Variants in TBC1D1 observed in about 807,000 individuals in gnomAD.
The protein encoded by TBC1D1 is TBC1 (tre-2/USP6, BUB2, cdc16) domain family, member 1.
TBC1D1 carries 89 observed loss-of-function variants against 125.6 expected under a neutral mutation model. That is an observed-to-expected ratio of 0.71 (90% CI 0.60 to 0.85). The LOEUF (loss-of-function observed/expected upper bound fraction) is 0.85, where lower values mean the gene tolerates loss of function less well. TBC1D1 is among the 40% of genes least tolerant of loss of function. The pLI is 0.00. For missense variants in TBC1D1, 1,377 were observed against 1,469.2 expected (o/e 0.94, Z 1.03); for synonymous variants, 565 against 564.1 (o/e 1.00, Z -0.02).
intron 13 of TBC1D1, among the ~76,000 whole-genome samples, chr4:38,091,375 C>T (rs1758399967): frequency 6.6e-6 from 1 of 152,164 alleles, no homozygotes; most frequent in Non-Finnish European, 1.5e-5. Flanking sequence ...GTGCTGTTTT[C>T]TTCCAACCCA....
At chr4:38,123,480 G>A (rs1764172754) in intron 17 of TBC1D1, among the ~76,000 whole-genome samples, 1 of 152,188 alleles carries the variant, frequency 6.6e-6, no homozygotes, top group African/African-American at 2.4e-5. Context: ...TATTTCAGAG[G>A]AATATTCTTC....
chr4:38,000,998 A>G (rs1230750890), intron 2 of TBC1D1, among the ~76,000 whole-genome samples: 1 of 152,180 alleles, frequency 6.6e-6, no homozygotes, highest in Non-Finnish European at 1.5e-5. Context: ...AGGCGAGCGG[A>G]TCACCAGGTC....
At chr4:37,976,573 G>C (rs1331282349) in intron 2 of TBC1D1, among the ~76,000 whole-genome samples, 1 of 152,170 alleles carries the variant, frequency 6.6e-6, no homozygotes, top group Non-Finnish European at 1.5e-5. Context: ...GGGCTGGGTT[G>C]GCCATTTGGC....
intron 2 of TBC1D1, among the ~76,000 whole-genome samples, chr4:37,916,773 G>GTTTTT (rs1719823117): frequency 6.6e-6 from 1 of 152,012 alleles, no homozygotes; most frequent in African/African-American, 2.4e-5. Flanking sequence ...GTTTTGTTTT[G>GTTTTT]TTTTGTTTAG....
At chr4:38,050,010 C>A in intron 11 of TBC1D1, 112 bp downstream of exon 11, 1 of 1,268,948 alleles carries the variant, frequency 7.9e-7, no homozygotes, top group Non-Finnish European at 1.1e-6. Context: ...AGGCTTTACT[C>A]TTGGTTTGGA....
intron 12 of TBC1D1, among the ~76,000 whole-genome samples, chr4:38,068,396 T>C (rs188410586): frequency 6.2e-4 from 95 of 152,240 alleles, no homozygotes; most frequent in African/African-American, 1.8e-3. Context: ...ACACTCCTGC[T>C]CGTTTTCTCC....
rs563946587 is a variant in TBC1D1 at position 38,050,616 on chromosome 4, A to G, written c.1910+718A>G. On this transcript the variant is annotated intron_variant, in intron 11 of 19. Transcript: ENST00000261439. ...TATAAATGGACACAGTTATCTTTAAAAACAACTTTAAACAATTTTAAAAAT... is the reference window on the plus strand; with the variant it reads ...TATAAATGGACACAGTTATCTTTAAGAACAACTTTAAACAATTTTAAAAAT... Among the ~76,000 whole-genome samples the G allele has an allele frequency of 7.9e-5, 12 of 152,342 alleles. No individual in the cohort carries two copies. In the East Asian group the frequency reaches 2.3e-3, roughly 29 times the overall value.
chr4:37,920,881 C>T (rs1720802834), intron 2 of TBC1D1, among the ~76,000 whole-genome samples: 1 of 152,042 alleles, frequency 6.6e-6, no homozygotes, highest in African/African-American at 2.4e-5. Flanking sequence ...GAGGCCGAGG[C>T]GGGCCGATCA....
intron 17 of TBC1D1, among the ~76,000 whole-genome samples, chr4:38,124,420 GA>G (rs1764324990): frequency 6.6e-6 from 1 of 152,182 alleles, no homozygotes; most frequent in Admixed American, 6.5e-5. Context: ...TCCTCAGAGG[GA>G]AAAATGTTCT....
chr4:37,948,896 T>C (rs554298749), intron 2 of TBC1D1, among the ~76,000 whole-genome samples: 21 of 152,192 alleles, frequency 1.4e-4, no homozygotes, highest in Non-Finnish European at 2.5e-4. Flanking sequence ...GCCTGACATC[T>C]TTCACTTAGT....
rs1459487955 is a variant in TBC1D1, at chr4:38,103,123, G to A, written c.2523G>A (p.Leu841=). 2 of 1,613,786 alleles carry A rather than the reference G, an allele frequency of 1.2e-6. No homozygotes were observed. Among genetic ancestry groups the A allele is most frequent in the Admixed American group, 3.3e-5 (2 of 59,966 alleles). ...CATACAAAGAACTCTTAAAGCAGCT[G>A]ACTTCCCAGCAGCATGCGATTCTTA... The change falls in exon 15 of 20, where the codon CTG becomes CTA. Residue 841 remains leucine, a synonymous_variant. Transcript: ENST00000261439.
At chr4:38,053,597 T>C (rs1004049552) in intron 11 of TBC1D1, among the ~76,000 whole-genome samples, 1 of 152,226 alleles carries the variant, frequency 6.6e-6, no homozygotes, top group Admixed American at 6.5e-5. Context: ...GGGTATAAAT[T>C]GGAAGGGCCT....
intron 2 of TBC1D1, among the ~76,000 whole-genome samples, chr4:37,928,802 C>T (rs979071637): frequency 5.9e-5 from 9 of 152,196 alleles, no homozygotes; most frequent in Non-Finnish European, 1.0e-4. Context: ...ATTGCAGAAA[C>T]GGATGCCGTT....
At chr4:37,902,556 G>A (rs1716310832) in intron 2 of TBC1D1, 44 bp downstream of exon 2, 1 of 1,473,232 alleles carries the variant, frequency 6.8e-7, no homozygotes, top group Non-Finnish European at 9.2e-7. Flanking sequence ...TGGCTGGCTG[G>A]TTTTTATTGT....
At chr4:38,077,234 C>T (rs1755752704) in intron 12 of TBC1D1, among the ~76,000 whole-genome samples, 1 of 152,110 alleles carries the variant, frequency 6.6e-6, no homozygotes, top group African/African-American at 2.4e-5. Flanking sequence ...AAGCATTGTT[C>T]TAGGTATTGG....
At chr4:38,072,347 C>T (rs1451802830) in intron 12 of TBC1D1, among the ~76,000 whole-genome samples, 1 of 152,220 alleles carries the variant, frequency 6.6e-6, no homozygotes, top group African/African-American at 2.4e-5. Context: ...CCCACATTTT[C>T]TGAGAGGCCA....
At chr4:37,970,943 C>CT (rs1037923695) in intron 2 of TBC1D1, among the ~76,000 whole-genome samples, 3 of 151,880 alleles carry the variant, frequency 2.0e-5, no homozygotes, top group African/African-American at 4.8e-5. Flanking sequence ...CCTCACTGGC[C>CT]CCCCCCACTA....
chr4:38,104,917 A>G lies in TBC1D1; in HGVS notation c.2557+1760A>G, dbSNP rs529550268. 1.0e-3 allele frequency among the ~76,000 whole-genome samples: 152 copies of G among 151,900 alleles called. 4 individuals carry two copies. In the East Asian group the frequency reaches 0.027, roughly 27 times the overall value. Reference sequence around the variant, plus strand: ...ACTACAGGTGCCCGCCACCATGCCTAGCTAATTTTTTGTATTTTTAGTAGA... The same window carrying G: ...ACTACAGGTGCCCGCCACCATGCCTGGCTAATTTTTTGTATTTTTAGTAGA... On this transcript the variant is annotated intron_variant, in intron 15 of 19. Coordinates refer to ENST00000261439, the MANE Select transcript of TBC1D1 (RefSeq NM_015173.4).
intron 2 of TBC1D1, among the ~76,000 whole-genome samples, chr4:37,973,091 T>C (rs1732388346): frequency 6.6e-6 from 1 of 152,156 alleles, no homozygotes; most frequent in Non-Finnish European, 1.5e-5. Flanking sequence ...TATTTGGTGT[T>C]AGAGCACCAC....
Sources: allele counts gnomAD v4.1 joint callset (sites outside exome capture counted in the v4.1 genomes callset), GRCh38; gene constraint gnomAD v4.1.1; transcripts MANE v1.5; gene names NCBI Gene and HGNC (gene_info 2026-07-23, HGNC 2026-07-21).